Variants in SPAG16 observed in about 807,000 individuals in gnomAD.
SPAG16 encodes the protein sperm-associated antigen 16 protein.
SPAG16 carries 86 observed loss-of-function variants against 80.4 expected under a neutral mutation model. The ratio of observed to expected loss-of-function variants is 1.07; its 90% CI spans 0.90 to 1.28. The LOEUF (loss-of-function observed/expected upper bound fraction) is 1.28. SPAG16 is among the 50% of genes most tolerant of loss of function. The probability of loss-of-function intolerance (pLI) is 0.00; values close to 1 mark genes in which losing one functional copy is unlikely to be tolerated. For synonymous variants in SPAG16, 294 were observed against 265.9 expected, an observed-to-expected ratio of 1.11 and a Z score of -1.03; for missense variants, 870 against 765.3, an observed-to-expected ratio of 1.14 and a Z score of -1.61.
At chr2:214,052,011 A>ATT (rs1388582589) in intron 13 of SPAG16, among the ~76,000 whole-genome samples, 5 of 152,218 alleles carry the variant, frequency 3.3e-5, no homozygotes, top group Non-Finnish European at 5.9e-5. Context: ...ATTAATAGAT[A>ATT]TTGAATAGAA....
intron 12 of SPAG16, among the ~76,000 whole-genome samples, chr2:213,982,238 A>G (rs965846454): frequency 2.6e-5 from 4 of 152,068 alleles, no homozygotes; most frequent in Non-Finnish European, 4.4e-5. Flanking sequence ...GGAGGCTCCC[A>G]TGTGCCCATG....
intron 15 of SPAG16, among the ~76,000 whole-genome samples, chr2:214,280,024 A>G (rs900226636): frequency 5.9e-4 from 90 of 152,252 alleles, no homozygotes; most frequent in Non-Finnish European, 9.0e-4. Flanking sequence ...ACTGAAGAAA[A>G]GATGTCTCAA....
At chr2:214,173,873 C>T (rs1048051587) in intron 15 of SPAG16, among the ~76,000 whole-genome samples, 14 of 151,654 alleles carry the variant, frequency 9.2e-5, no homozygotes, top group African/African-American at 3.4e-4. Flanking sequence ...AAAGCTTATC[C>T]ACCATGATCA....
rs77244961 is a variant in SPAG16, at chr2:213,589,379, T to C, written c.1070+99289T>C. On this transcript the variant is annotated intron_variant, in intron 10 of 15. Transcript: ENST00000331683. ...TATTTGTAGGTATTTTATTGATAAATGGAAAGTGCTAATTTTTCAAATCAA... is the reference window on the plus strand; with the variant it reads ...TATTTGTAGGTATTTTATTGATAAACGGAAAGTGCTAATTTTTCAAATCAA... Among the ~76,000 whole-genome samples, 95 of 152,342 alleles carry C rather than the reference T, an allele frequency of 6.2e-4. 1 individual carries two copies. The East Asian group carries it at 0.018, about 29-fold the overall frequency.
In SPAG16 at chr2:213,901,905, A is replaced by G. The variant is rs554796754; in HGVS notation, c.1215-28055A>G. ...AGTGGCTTTCTTGTCCTATAGAACCATGTGAACACAGGGTGAGAAACAGAC... is the reference window on the plus strand; with the variant it reads ...AGTGGCTTTCTTGTCCTATAGAACCGTGTGAACACAGGGTGAGAAACAGAC... On this transcript the variant is annotated intron_variant, in intron 11 of 15. Transcript: ENST00000331683. Among the ~76,000 whole-genome samples the G allele has an allele frequency of 4.5e-4, 68 of 152,266 alleles. No individual in the cohort carries two copies. The South Asian group carries it at 0.01, about 23-fold the overall frequency.
chr2:214,023,564 G>C (rs1261169688), intron 13 of SPAG16, among the ~76,000 whole-genome samples: 2 of 151,748 alleles, frequency 1.3e-5, no homozygotes, highest in Admixed American at 1.3e-4. Flanking sequence ...CTTTTAGGTA[G>C]AAAAGCATTT....
At chr2:213,789,936 GTAT>G (rs1426544120) in intron 10 of SPAG16, among the ~76,000 whole-genome samples, 1 of 151,706 alleles carries the variant, frequency 6.6e-6, no homozygotes, top group African/African-American at 2.4e-5. Flanking sequence ...CAAAACTGTG[GTAT>G]TATTTTTATT....
chr2:213,448,061 A>G (rs113391896), intron 9 of SPAG16, among the ~76,000 whole-genome samples: 1 of 152,216 alleles, frequency 6.6e-6, no homozygotes, highest in Non-Finnish European at 1.5e-5. Flanking sequence ...TTATTTTGTT[A>G]ATGATTGCCA....
At chr2:213,914,214 A>T (rs2077839816) in intron 11 of SPAG16, among the ~76,000 whole-genome samples, 1 of 152,130 alleles carries the variant, frequency 6.6e-6, no homozygotes, top group Non-Finnish European at 1.5e-5. Context: ...AATCTTAAAG[A>T]TATTTATTAA....
At chr2:214,058,724 C>T (rs1231472736) in intron 13 of SPAG16, among the ~76,000 whole-genome samples, 1 of 152,068 alleles carries the variant, frequency 6.6e-6, no homozygotes, top group African/African-American at 2.4e-5. Flanking sequence ...ATCTCCTCTC[C>T]CTCTCCATAT....
At chr2:213,741,980 A>G (rs1223312126) in intron 10 of SPAG16, among the ~76,000 whole-genome samples, 1 of 152,012 alleles carries the variant, frequency 6.6e-6, no homozygotes, top group Non-Finnish European at 1.5e-5. Context: ...ATTGTGTTGT[A>G]GAAGTCTTTT....
chr2:213,362,377 C>A (rs1250777107), intron 7 of SPAG16, among the ~76,000 whole-genome samples: 1 of 152,168 alleles, frequency 6.6e-6, no homozygotes, highest in Non-Finnish European at 1.5e-5. Context: ...ATCCTTCCCT[C>A]AAGTAGGTGG....
chr2:214,117,554 A>C (rs2053998176), intron 14 of SPAG16, among the ~76,000 whole-genome samples: 1 of 152,282 alleles, frequency 6.6e-6, no homozygotes, highest in South Asian at 2.1e-4. Flanking sequence ...CAACAACAAC[A>C]ACCAACACTA....
At chr2:213,677,982 C>A in intron 10 of SPAG16, among the ~76,000 whole-genome samples, 1 of 149,966 alleles carries the variant, frequency 6.7e-6, no homozygotes, top group African/African-American at 2.5e-5. Context: ...AACCGCTCAA[C>A]TACATGGAAA....
chr2:214,153,541 A>G (rs987000007), intron 15 of SPAG16, among the ~76,000 whole-genome samples: 2 of 152,026 alleles, frequency 1.3e-5, no homozygotes, highest in South Asian at 4.2e-4. Flanking sequence ...ACAGTCTACC[A>G]TGTTTTATCC....
At chr2:213,424,605 C>T (rs1263356889) in intron 9 of SPAG16, among the ~76,000 whole-genome samples, 1 of 152,108 alleles carries the variant, frequency 6.6e-6, no homozygotes, top group Non-Finnish European at 1.5e-5. Context: ...TAACTTTGAA[C>T]ATGTTAATTT....
At chr2:214,262,505 A>C (rs1485531199) in intron 15 of SPAG16, among the ~76,000 whole-genome samples, 5 of 152,120 alleles carry the variant, frequency 3.3e-5, no homozygotes, top group Non-Finnish European at 7.4e-5. Flanking sequence ...CCACAGACTA[A>C]CTAAAATAAA....
intron 10 of SPAG16, among the ~76,000 whole-genome samples, chr2:213,675,866 C>T (rs1233946353): frequency 5.3e-5 from 8 of 150,136 alleles, no homozygotes; most frequent in Middle Eastern, 3.5e-3. Context: ...CTTGGTGATG[C>T]GGGCTCTTTT....
chr2:213,789,589 A>G (rs892026631), intron 10 of SPAG16, among the ~76,000 whole-genome samples: 1 of 151,940 alleles, frequency 6.6e-6, no homozygotes, highest in Non-Finnish European at 1.5e-5. Context: ...AAGACAAACC[A>G]TTCCAGCACA....
Sources: gnomAD v4.1 joint callset for allele counts (sites outside exome capture counted in the v4.1 genomes callset) on GRCh38, gnomAD v4.1.1 for gene constraint, MANE v1.5 for transcripts, NCBI Gene and HGNC (gene_info 2026-07-23, HGNC 2026-07-21) for gene names.